Variants in LRFN1 observed in about 807,000 individuals in gnomAD.
The protein encoded by LRFN1 is leucine rich repeat and fibronectin type III domain containing 1, also known as leucine-rich repeat and fibronectin type III domain-containing protein 1.
LRFN1 carries 20 observed loss-of-function variants against 31.8 expected under a neutral mutation model. The ratio of observed to expected loss-of-function variants is 0.63; its 90% CI spans 0.44 to 0.91. The LOEUF (loss-of-function observed/expected upper bound fraction) is 0.91. LRFN1 is among the 40% of genes least tolerant of loss of function. LRFN1 has a pLI of 0.00. For synonymous variants in LRFN1, 514 were observed against 541.3 expected (o/e 0.95, Z 0.70); for missense variants, 912 against 1,129.8 (o/e 0.81, Z 2.76).
At chr19:39,310,337 G>A (rs118144653) in intron 4 of LRFN1, among the ~76,000 whole-genome samples, 149 of 152,330 alleles carry the variant, frequency 9.8e-4, no homozygotes, top group Non-Finnish European at 1.8e-3. Context: ...TCATAGAGAT[G>A]GTGTGAGGAA....
chr19:39,307,752 G>C lies in LRFN1; in HGVS notation c.2197C>G (p.Pro733Ala). The change falls in exon 5 of 5, where the codon CCG becomes GCG. Residue 733 changes from proline to alanine, a missense_variant. Around this residue, in one of 2 missense-constraint regions of LRFN1, gnomAD observed 511 missense variants for 557.0 expected, o/e 0.92. Transcript: ENST00000248668. The surrounding 1 kb of genome is among the most constrained non-coding windows in gnomAD (Gnocchi z 6.7). The part of the protein sequence containing the change: ...ARRTKRHRST[P>A]HLDGAGGGAA... ...CCCCCTCCAGCCCCGTCCAGGTGCG[G>C]CGTGGACCGGTGGCGCTTTGTCCGC... 1 of 1,490,440 alleles carries C rather than the reference G, an allele frequency of 6.7e-7. No individual in the cohort carries two copies. The highest frequency in any genetic ancestry group is 2.5e-5 in the East Asian group (1 of 40,606). The allele number at this position is 1,490,440 out of a possible 1,614,324, so 92.3% of individuals were successfully genotyped here. A position where few individuals can be genotyped will look rare whatever the true frequency, so the allele number is the denominator to read the frequency against.
chr19:39,318,641 G>A (rs1261268734), intron 1 of LRFN1, among the ~76,000 whole-genome samples: 1 of 152,060 alleles, frequency 6.6e-6, no homozygotes. Context: ...TCTTCCCTCT[G>A]ACCCAAGAGT....
intron 2 of LRFN1, among the ~76,000 whole-genome samples, chr19:39,317,552 T>C (rs1258148689): frequency 1.3e-5 from 2 of 152,044 alleles, no homozygotes; most frequent in East Asian, 3.9e-4. Flanking sequence ...ATAATAGCAA[T>C]GGAAATAGCT....
Position 39,308,912 on chromosome 19 carries a change from C to T in LRFN1, c.1407-370G>A, listed in dbSNP as rs1360561893. 6.6e-6 allele frequency among the ~76,000 whole-genome samples: 1 copy of T among 152,240 alleles called. No homozygotes were observed. The highest frequency in any genetic ancestry group is 6.5e-5 in the Admixed American group (1 of 15,286). On this transcript the variant is annotated intron_variant, in intron 4 of 4. Coordinates refer to ENST00000248668, the MANE Select transcript of LRFN1 (RefSeq NM_020862.2). The surrounding 1 kb of genome is among the most constrained non-coding windows in gnomAD (Gnocchi z 6.2). ...CTATGTCTCACTCTTGCTAGGACAA[C>T]TGCCATTCAAGGTCCTTCATCTAGG...
rs758513634 is a variant in LRFN1 at position 39,314,866 on chromosome 19, A to G, written c.471T>C (p.Phe157=). Residue 157 remains phenylalanine (F), a synonymous_variant, in exon 4 of 5, where the codon TTT becomes TTC. Coordinates refer to ENST00000248668, the MANE Select transcript of LRFN1 (RefSeq NM_020862.2). ...NQIRRVESAA[F]DAFLSTVEDL... The stretch of plus-strand genomic sequence containing the variant: ...CCTCCACGGTGGACAGGAAGGCGTC[A>G]AAGGCCGCCGACTCCACCCGGCGGA... 6.2e-6 allele frequency: 10 copies of G among 1,610,454 alleles called. No homozygotes were observed. The South Asian group carries it at 9.9e-5, about 16-fold the overall frequency.
chr19:39,308,133 C>T lies in LRFN1; in HGVS notation c.1816G>A (p.Glu606Lys), dbSNP rs1005464936. 4 of 1,528,630 alleles carry T rather than the reference C, an allele frequency of 2.6e-6. No individual in the cohort carries two copies. Among genetic ancestry groups the T allele is most frequent in the African/African-American group, 1.4e-5 (1 of 72,406 alleles). 94.7% of individuals were successfully genotyped at this position (1,528,630 alleles called of 1,614,324 possible). ...APALPAQDHY[E>K]ALREVESQAA... ...TGGGACTCCACCTCGCGCAGCGCCTCGTAGTGGTCCTGGGCCGGCAGGGCC... is the reference window on the plus strand; with the variant it reads ...TGGGACTCCACCTCGCGCAGCGCCTTGTAGTGGTCCTGGGCCGGCAGGGCC... The change falls in exon 5 of 5, where the codon GAG becomes AAG. Residue 606 changes from glutamate (E) to lysine (K), a missense_variant. Transcript: ENST00000248668. This position sits in a 1 kb window ranked among gnomAD's most constrained non-coding sequence, Gnocchi z 6.2.
intron 1 of LRFN1, among the ~76,000 whole-genome samples, chr19:39,320,305 GACACACACAC>G (rs35232910): frequency 9.7e-5 from 13 of 134,656 alleles, no homozygotes; most frequent in African/African-American, 1.4e-4. Context: ...ACAACCCGCA[GACACACACAC>G]ACACACACAC....
intron 3 of LRFN1, 76 bp downstream of exon 3, chr19:39,316,006 C>G (rs2075171186): frequency 6.6e-6 from 1 of 152,122 alleles, no homozygotes; most frequent in South Asian, 2.1e-4. Flanking sequence ...TCTAAAAAAT[C>G]ACTGTTAACT....
Position 39,315,426 on chromosome 19 carries a change from G to A in LRFN1, c.-37-53C>T. 2 of 1,212,490 alleles carry A rather than the reference G, an allele frequency of 1.6e-6. No individual in the cohort carries two copies. Among genetic ancestry groups the A allele is most frequent in the Non-Finnish European group, 1.1e-6 (1 of 898,220 alleles). The allele number at this position is 1,212,490 out of a possible 1,614,324, so 75.1% of individuals were successfully genotyped here. ...GCGTGGGACTTGGCCGCCATGGGATGTCCTGCTACGAGTCAGGCCTGGATC... is the reference window on the plus strand; with the variant it reads ...GCGTGGGACTTGGCCGCCATGGGATATCCTGCTACGAGTCAGGCCTGGATC... On this transcript the variant is annotated intron_variant, in intron 3 of 4. Transcript: ENST00000248668. This position sits in a 1 kb window ranked among gnomAD's most constrained non-coding sequence, Gnocchi z 4.7.
Position 39,317,727 on chromosome 19 carries a change from G to C in LRFN1, c.-93+599C>G, listed in dbSNP as rs1433121143. Among the ~76,000 whole-genome samples, 8 of 152,000 alleles carry C rather than the reference G, an allele frequency of 5.3e-5. No homozygotes were observed. In the East Asian group the frequency reaches 1.5e-3, roughly 29 times the overall value. On this transcript the variant is annotated intron_variant, in intron 2 of 4. Coordinates refer to ENST00000248668, the MANE Select transcript of LRFN1 (RefSeq NM_020862.2). ...AATAATAATGGCACCCACCTCATAA[G>C]GTTGCTATGAGGATTTAATGAGATA... is the stretch of plus-strand genomic sequence containing the variant.
chr19:39,310,427 C>G (rs1417841722), intron 4 of LRFN1, among the ~76,000 whole-genome samples: 1 of 152,212 alleles, frequency 6.6e-6, no homozygotes, highest in Admixed American at 6.5e-5. Context: ...TGGCCAGTAA[C>G]CCTTGCTGTG....
chr19:39,307,639 G>T lies in LRFN1; in HGVS notation c.2310C>A (p.Thr770=). The change falls in exon 5 of 5, where the codon ACC becomes ACA. Residue 770 remains threonine (T), a synonymous_variant. Transcript: ENST00000248668. The surrounding 1 kb of genome is among the most constrained non-coding windows in gnomAD (Gnocchi z 6.7). ...FTSTEWMLES[T]V ...CCCGGCGCCCGCCCGCCGCTCACAC[G>T]GTACTCTCCAGCATCCACTCGGTGC... 2 of 1,418,394 alleles carry T rather than the reference G, an allele frequency of 1.4e-6. No individual in the cohort carries two copies. The highest frequency in any genetic ancestry group is 1.5e-5 in the South Asian group (1 of 67,408). The allele number at this position is 1,418,394 out of a possible 1,614,324, so 87.9% of individuals were successfully genotyped here. A position where few individuals can be genotyped will look rare whatever the true frequency, so the allele number is the denominator to read the frequency against.
rs2075135480 is a variant in LRFN1 at position 39,307,934 on chromosome 19, C to G, written c.2015G>C (p.Ser672Thr). 6.4e-7 allele frequency: 1 copy of G among 1,569,512 alleles called. No individual in the cohort carries two copies. The highest frequency in any genetic ancestry group is 1.4e-5 in the African/African-American group (1 of 73,368). ...ESRAAVGPRR[S>T]RSGALEPPTS... ...TGGTGGCTCCAGGGCGCCGGATCGG[C>G]TCCTTCGAGGGCCCACCGCGGCCCG... Residue 672 changes from serine to threonine, a missense_variant, in exon 5 of 5, where the codon AGC becomes ACC. This residue lies in a region of LRFN1 where 511 missense variants were observed against 557.0 expected (regional missense o/e 0.92). Coordinates refer to ENST00000248668, the MANE Select transcript of LRFN1 (RefSeq NM_020862.2). This position sits in a 1 kb window ranked among gnomAD's most constrained non-coding sequence, Gnocchi z 6.7.
chr19:39,318,672 T>C (rs1189788712), intron 1 of LRFN1, among the ~76,000 whole-genome samples: 1 of 152,006 alleles, frequency 6.6e-6, no homozygotes, highest in East Asian at 1.9e-4. Flanking sequence ...CCTCTGGCCC[T>C]CCATTAGAAC....
In LRFN1 at chr19:39,314,089, T is replaced by G; in HGVS notation, c.1248A>C (p.Arg416Ser). ...PGSSDIATPG[R>S]PGANDSAAER... ...CAGCCGCAGAATCGTTGGCACCTGG[T>G]CTGCCCGGCGTGGCGATGTCAGAGG... is the stretch of plus-strand genomic sequence containing the variant. Residue 416 changes from arginine to serine, a missense_variant, in exon 4 of 5, where the codon AGA becomes AGC. Physicochemically the swap from Arg to Ser is moderately radical, Grantham distance 110 (BLOSUM62 -1). This residue lies in a region of LRFN1 where 511 missense variants were observed against 557.0 expected (regional missense o/e 0.92). Coordinates refer to ENST00000248668, the MANE Select transcript of LRFN1 (RefSeq NM_020862.2). 6.2e-7 allele frequency: 1 copy of G among 1,612,590 alleles called. No homozygotes were observed. The highest frequency in any genetic ancestry group is 8.5e-7 in the Non-Finnish European group (1 of 1,179,610).
intron 4 of LRFN1, among the ~76,000 whole-genome samples, chr19:39,309,081 T>C (rs1281844614): frequency 1.3e-5 from 2 of 152,236 alleles, no homozygotes; most frequent in Non-Finnish European, 1.5e-5. Flanking sequence ...CTAGTTCCTC[T>C]TTTATACATA....
At position 39,307,068 on chromosome 19, in the gene LRFN1, A is replaced by G; in HGVS notation, c.*565T>C. 1 of 383,086 alleles carries G rather than the reference A, an allele frequency of 2.6e-6. No homozygotes were observed. The highest frequency in any genetic ancestry group is 3.7e-5 in the East Asian group (1 of 26,816). 23.7% of individuals were successfully genotyped at this position (383,086 alleles called of 1,614,324 possible). ...AAAGGAGAGGCAAATAGGGAAAGAC[A>G]GGCACTACAGAGAGACGACAAGAGG... On this transcript the variant is annotated 3_prime_UTR_variant, in exon 5 of 5. Coordinates refer to ENST00000248668, the MANE Select transcript of LRFN1 (RefSeq NM_020862.2). This position sits in a 1 kb window ranked among gnomAD's most constrained non-coding sequence, Gnocchi z 6.7.
chr19:39,310,072 C>T (rs958729275), intron 4 of LRFN1, among the ~76,000 whole-genome samples: 1 of 152,232 alleles, frequency 6.6e-6, no homozygotes, highest in African/African-American at 2.4e-5. Flanking sequence ...ATTCTCCTGC[C>T]TCAGCCTCCC....
intron 4 of LRFN1, among the ~76,000 whole-genome samples, chr19:39,309,505 A>AAAAAAAAC (rs2075143722): frequency 6.7e-6 from 1 of 149,884 alleles, no homozygotes; most frequent in African/African-American, 2.5e-5. Flanking sequence ...AAAAAAAAAA[A>AAAAAAAAC]AACCATCTAG....
Sources: gnomAD v4.1 joint callset for allele counts (sites outside exome capture counted in the v4.1 genomes callset) on GRCh38, gnomAD v4.1.1 for gene constraint, gnomAD v4.1.1 regional missense constraint, Gnocchi (gnomAD v3.1) non-coding constraint, MANE v1.5 for transcripts, NCBI Gene and HGNC (gene_info 2026-07-23, HGNC 2026-07-21) for gene names.